Variants in DENND1B observed in about 807,000 individuals in gnomAD.
The protein encoded by DENND1B is DENN domain-containing protein 1B.
In DENND1B, 59 loss-of-function variants were observed where a neutral mutation model predicts 90.1. That is an observed-to-expected ratio of 0.65 (90% CI 0.53 to 0.81). The LOEUF (loss-of-function observed/expected upper bound fraction) is 0.81. Ranked by LOEUF, DENND1B falls within the 40% of genes least tolerant of loss-of-function variation. The pLI, the probability that DENND1B is intolerant of heterozygous loss-of-function variation, is 0.00. For synonymous variants in DENND1B, 337 were observed against 324.6 expected (o/e 1.04, Z -0.41); for missense variants, 862 against 912.6 (o/e 0.94, Z 0.71).
At chr1:197,560,360 T>C (rs1186527244) in intron 15 of DENND1B, among the ~76,000 whole-genome samples, 2 of 151,372 alleles carry the variant, frequency 1.3e-5, no homozygotes, top group South Asian at 2.1e-4. Flanking sequence ...GTAGCGGAGG[T>C]AGGGGAAGAG....
chr1:197,725,805 G>A (rs746854965), intron 2 of DENND1B, among the ~76,000 whole-genome samples: 61 of 152,028 alleles, frequency 4.0e-4, no homozygotes, highest in Non-Finnish European at 8.1e-4. Context: ...AGCCACAGCA[G>A]CATTTGAATA....
chr1:197,656,461 C>T (rs1653837743), intron 6 of DENND1B, among the ~76,000 whole-genome samples: 1 of 152,032 alleles, frequency 6.6e-6, no homozygotes, highest in South Asian at 2.1e-4. Flanking sequence ...TTTTAAAACA[C>T]ATTTTATTTC....
intron 2 of DENND1B, among the ~76,000 whole-genome samples, chr1:197,747,850 CA>C (rs1439818935): frequency 6.6e-6 from 1 of 152,192 alleles, no homozygotes; most frequent in Non-Finnish European, 1.5e-5. Flanking sequence ...GATTCAGGGG[CA>C]AGGAAAACTG....
chr1:197,746,668 G>T, intron 2 of DENND1B: 1 of 730,078 alleles, frequency 1.4e-6, no homozygotes, highest in South Asian at 1.5e-5. Flanking sequence ...TCAATTTTCT[G>T]ACATATTTAA....
intron 15 of DENND1B, among the ~76,000 whole-genome samples, chr1:197,564,220 T>C (rs147862404): frequency 0.017 from 2,590 of 151,728 alleles, 77 homozygotes; most frequent in African/African-American, 0.06. Flanking sequence ...GTGGATAAAA[T>C]GCTATCAAAT....
upstream of DENND1B, among the ~76,000 whole-genome samples, chr1:197,778,384 A>T (rs565419147): frequency 3.3e-5 from 5 of 152,316 alleles, no homozygotes; most frequent in South Asian, 1.0e-3. Context: ...AAAACTGTTG[A>T]TAAATTTAGG....
chr1:197,777,359 C>T (rs1239522996), upstream of DENND1B, among the ~76,000 whole-genome samples: 3 of 152,064 alleles, frequency 2.0e-5, no homozygotes, highest in African/African-American at 4.8e-5. Flanking sequence ...TTAAGTACAT[C>T]GAGGGAAATA....
At position 197,624,649 on chromosome 1, in the gene DENND1B, G is replaced by A. The variant is rs887497279; in HGVS notation, c.673-6890C>T. On this transcript the variant is annotated intron_variant, in intron 10 of 22. Transcript: ENST00000620048. Reference sequence around the variant, plus strand: ...AGGAACACAGTTCCTCACCAGCAACGGAACAAAGCTGGATAGAGAATGACT... The same window carrying A: ...AGGAACACAGTTCCTCACCAGCAACAGAACAAAGCTGGATAGAGAATGACT... Among the ~76,000 whole-genome samples, 9 of 151,926 alleles carry A rather than the reference G, an allele frequency of 5.9e-5. No homozygotes were observed. The South Asian group carries it at 6.2e-4, about 11-fold the overall frequency.
intron 20 of DENND1B, among the ~76,000 whole-genome samples, chr1:197,536,435 T>C (rs967549250): frequency 9.2e-5 from 14 of 152,334 alleles, no homozygotes; most frequent in Admixed American, 8.5e-4. Context: ...CCCGCTCTGC[T>C]TTTATAAATA....
intron 3 of DENND1B, among the ~76,000 whole-genome samples, chr1:197,674,960 T>C (rs542169416): frequency 1.2e-3 from 186 of 152,254 alleles, no homozygotes; most frequent in Non-Finnish European, 2.2e-3. Flanking sequence ...TTAAAAATTA[T>C]AATAAAATAC....
intron 2 of DENND1B, among the ~76,000 whole-genome samples, chr1:197,737,572 C>T (rs1307175830): frequency 6.6e-6 from 1 of 152,104 alleles, no homozygotes; most frequent in Non-Finnish European, 1.5e-5. Flanking sequence ...GACTTGTTTG[C>T]CTCTATCTAC....
intron 3 of DENND1B, among the ~76,000 whole-genome samples, chr1:197,696,367 G>A (rs1452876792): frequency 6.6e-6 from 1 of 151,346 alleles, no homozygotes; most frequent in Non-Finnish European, 1.5e-5. Context: ...TGTAACATAT[G>A]CACTTTTCTA....
intron 10 of DENND1B, among the ~76,000 whole-genome samples, chr1:197,634,991 C>A (rs144416060): frequency 6.7e-6 from 1 of 149,696 alleles, no homozygotes; most frequent in Non-Finnish European, 1.5e-5. Context: ...TGCAACTCTG[C>A]GTGAAAAGGA....
rs1276093199 is a variant in DENND1B, at chr1:197,509,113, T to TAC, written c.*1345_*1346dup. On this transcript the variant is annotated 3_prime_UTR_variant, in exon 23 of 23. Transcript: ENST00000620048. Reference sequence around the variant, plus strand: ...ATTCACAAATCATGTTGACAGTACGTACCCTTGATATGACCTGATGAAAAT... The same window carrying TAC: ...ATTCACAAATCATGTTGACAGTACGTACACCCTTGATATGACCTGATGAAAAT... The TAC allele has an allele frequency of 1.3e-5, 2 of 151,668 alleles. No homozygotes were observed. The highest frequency in any genetic ancestry group is 6.6e-5 in the Admixed American group (1 of 15,174). 9.4% of individuals were successfully genotyped at this position (151,668 alleles called of 1,614,324 possible). A position where few individuals can be genotyped will look rare whatever the true frequency, so the allele number is the denominator to read the frequency against.
At chr1:197,758,692 T>G (rs114195748) in intron 2 of DENND1B, among the ~76,000 whole-genome samples, 39 of 152,296 alleles carry the variant, frequency 2.6e-4, no homozygotes, top group African/African-American at 9.1e-4. Context: ...AGGTAAAATA[T>G]CTGTCTTATC....
At chr1:197,693,111 T>C (rs1468621178) in intron 3 of DENND1B, among the ~76,000 whole-genome samples, 1 of 151,646 alleles carries the variant, frequency 6.6e-6, no homozygotes, top group Non-Finnish European at 1.5e-5. Context: ...AACACATCAA[T>C]AACTAGTTAA....
chr1:197,589,478 A>C (rs1674996049), intron 14 of DENND1B, among the ~76,000 whole-genome samples: 1 of 152,158 alleles, frequency 6.6e-6, no homozygotes, highest in South Asian at 2.1e-4. Flanking sequence ...GGATGTGTAA[A>C]ATGTTTTAGT....
intron 3 of DENND1B, among the ~76,000 whole-genome samples, chr1:197,707,220 G>C (rs1418101130): frequency 6.6e-6 from 1 of 152,116 alleles, no homozygotes; most frequent in Non-Finnish European, 1.5e-5. Flanking sequence ...TGATCTCATA[G>C]AAGTAGAGTA....
Position 197,772,920 on chromosome 1 carries a change from G to A in DENND1B, c.30C>T (p.Asp10=). The part of the protein sequence containing the change: MDCRTKANP[D]RTFDLVLKVK... ...CTTTCAACACCAAGTCAAAGGTTCTGTCTGGATTTGCCCTAAAAGGAAAAA... is the reference window on the plus strand; with the variant it reads ...CTTTCAACACCAAGTCAAAGGTTCTATCTGGATTTGCCCTAAAAGGAAAAA... The change falls in exon 2 of 23, where the codon GAC becomes GAT. Residue 10 remains aspartate, a synonymous_variant. Coordinates refer to ENST00000620048, the MANE Select transcript of DENND1B (RefSeq NM_001195215.2). The A allele has an allele frequency of 6.4e-7, 1 of 1,551,824 alleles. No homozygotes were observed. The highest frequency in any genetic ancestry group is 8.7e-7 in the Non-Finnish European group (1 of 1,146,924).
Sources: allele counts gnomAD v4.1 joint callset (sites outside exome capture counted in the v4.1 genomes callset), GRCh38; gene constraint gnomAD v4.1.1; transcripts MANE v1.5; gene names NCBI Gene and HGNC (gene_info 2026-07-23, HGNC 2026-07-21).